Variants in CNBD1 observed in about 807,000 individuals in gnomAD.
CNBD1 encodes the protein cyclic nucleotide-binding domain-containing protein 1.
A neutral mutation model predicts 54.4 loss-of-function variants in CNBD1; 71 were observed. The observed-to-expected ratio is 1.30, with a 90% CI of 1.08 to 1.59. The LOEUF is 1.59. CNBD1 is among the 40% of genes most tolerant of loss of function. The probability of loss-of-function intolerance (pLI) is 0.00; values close to 1 mark genes in which losing one functional copy is unlikely to be tolerated. For synonymous variants in CNBD1, 182 were observed against 170.7 expected (o/e 1.07, Z -0.51); for missense variants, 659 against 518.0 (o/e 1.27, Z -2.64).
At chr8:87,389,149 G>C (rs1430157694) in intron 2 of CNBD1, among the ~76,000 whole-genome samples, 3 of 152,106 alleles carry the variant, frequency 2.0e-5, no homozygotes, top group Non-Finnish European at 4.4e-5. Flanking sequence ...ATATCATCCT[G>C]AATGGGCAAA....
rs74906039 is a variant in CNBD1, at chr8:87,123,010, A to T, written c.432-82983A>T. ...TCCAGCTTTGTTCTTTTGGGTCAAG[A>T]TTGCTTTGACTTCAGGACCTTTTGT... On this transcript the variant is annotated intron_variant, in intron 4 of 10. Transcript: ENST00000518476. 6.6e-5 allele frequency among the ~76,000 whole-genome samples: 10 copies of T among 151,884 alleles called. No homozygotes were observed. The East Asian group carries it at 9.7e-4, about 15-fold the overall frequency.
intron 4 of CNBD1, among the ~76,000 whole-genome samples, chr8:87,148,001 T>C (rs1289542359): frequency 2.0e-5 from 3 of 152,212 alleles, no homozygotes; most frequent in South Asian, 4.1e-4. Context: ...GCAATGTATT[T>C]TTCTTTTAGC....
intron 2 of CNBD1, among the ~76,000 whole-genome samples, chr8:87,402,431 C>G (rs556222361): frequency 6.6e-6 from 1 of 152,014 alleles, no homozygotes; most frequent in South Asian, 2.1e-4. Flanking sequence ...TAATGTACAT[C>G]AATTAATTTC....
intron 4 of CNBD1, among the ~76,000 whole-genome samples, chr8:87,085,432 T>C (rs1053667851): frequency 3.9e-5 from 6 of 152,186 alleles, no homozygotes; most frequent in African/African-American, 1.4e-4. Flanking sequence ...TTGAGTCTTT[T>C]TTTTATTTGT....
chr8:87,287,282 C>G (rs1808717184), intron 8 of CNBD1, among the ~76,000 whole-genome samples: 1 of 152,044 alleles, frequency 6.6e-6, no homozygotes, highest in Non-Finnish European at 1.5e-5. Flanking sequence ...CTATGAAAGC[C>G]AATTTAACAA....
intron 4 of CNBD1, among the ~76,000 whole-genome samples, chr8:87,164,322 T>C (rs925096482): frequency 3.3e-5 from 5 of 151,904 alleles, no homozygotes; most frequent in Admixed American, 6.6e-5. Flanking sequence ...AGTTTGGAAG[T>C]GTTGTCTCTT....
In CNBD1 at chr8:87,006,514, G is replaced by A. The variant is rs570079250; in HGVS notation, c.431+66760G>A. ...GTGCCAGCATCTGCTCAGCTTTTGG[G>A]GAGGCCTCATGAAGCTTTTATTTAT... is the stretch of plus-strand genomic sequence containing the variant. On this transcript the variant is annotated intron_variant, in intron 4 of 10. Transcript: ENST00000518476. Among the ~76,000 whole-genome samples, 4 of 152,164 alleles carry A rather than the reference G, an allele frequency of 2.6e-5. No homozygotes were observed. In the East Asian group the frequency reaches 7.8e-4, roughly 30 times the overall value.
At chr8:87,364,819 A>T (rs1382837203) in intron 10 of CNBD1, among the ~76,000 whole-genome samples, 2 of 152,134 alleles carry the variant, frequency 1.3e-5, no homozygotes, top group African/African-American at 4.8e-5. Flanking sequence ...AAAGGACATG[A>T]TATCATTCTT....
chr8:86,916,352 A>G (rs1451188639), intron 3 of CNBD1, among the ~76,000 whole-genome samples: 1 of 152,168 alleles, frequency 6.6e-6, no homozygotes, highest in East Asian at 1.9e-4. Context: ...TTGGGGTTTT[A>G]TACGCTGGCA....
intron 4 of CNBD1, among the ~76,000 whole-genome samples, chr8:87,160,642 A>G (rs1295402882): frequency 6.6e-6 from 1 of 152,140 alleles, no homozygotes; most frequent in Non-Finnish European, 1.5e-5. Context: ...CTAAGGAAAT[A>G]CCTTTAAAAG....
chr8:87,422,581 T>A (rs969628075), intron 2 of CNBD1, among the ~76,000 whole-genome samples: 2 of 152,164 alleles, frequency 1.3e-5, no homozygotes, highest in Non-Finnish European at 2.9e-5. Flanking sequence ...ATCAGATAGT[T>A]GCAGATATGC....
chr8:87,352,824 G>T (rs1051460624), intron 9 of CNBD1, among the ~76,000 whole-genome samples: 4 of 152,156 alleles, frequency 2.6e-5, no homozygotes, highest in Non-Finnish European at 5.9e-5. Flanking sequence ...CTTGAATTCT[G>T]CTGCACTAAT....
chr8:87,141,066 T>C (rs1439917610), intron 4 of CNBD1, among the ~76,000 whole-genome samples: 1 of 152,212 alleles, frequency 6.6e-6, no homozygotes, highest in East Asian at 1.9e-4. Flanking sequence ...TAATTATTTT[T>C]ATTTTTAAAC....
chr8:87,425,727 TCAGA>T (rs1298833201), intron 2 of CNBD1, among the ~76,000 whole-genome samples: 1 of 152,014 alleles, frequency 6.6e-6, no homozygotes, highest in Admixed American at 6.5e-5. Flanking sequence ...TTCAAAGCTG[TCAGA>T]CAGGGACATT....
intron 6 of CNBD1, among the ~76,000 whole-genome samples, chr8:87,266,963 A>G (rs1245393626): frequency 6.6e-6 from 1 of 151,936 alleles, no homozygotes; most frequent in Non-Finnish European, 1.5e-5. Flanking sequence ...ATGGTATCAT[A>G]ACAGAAAACA....
At position 87,184,107 on chromosome 8, in the gene CNBD1, C is replaced by T. The variant is rs367552681; in HGVS notation, c.432-21886C>T. 4.1e-4 allele frequency among the ~76,000 whole-genome samples: 62 copies of T among 152,300 alleles called. 1 individual carries two copies. The highest frequency in any genetic ancestry group is 1.4e-3 in the African/African-American group (60 of 41,574). ...TGACAGAAGGGGCTGCACGCATGTG[C>T]TCACGGGTTGGCTGTTGGGGGTAGT... On this transcript the variant is annotated intron_variant, in intron 4 of 10. Coordinates refer to ENST00000518476, the MANE Select transcript of CNBD1 (RefSeq NM_173538.3).
intron 6 of CNBD1, among the ~76,000 whole-genome samples, chr8:87,246,683 G>C (rs1586361074): frequency 6.6e-6 from 1 of 152,022 alleles, no homozygotes; most frequent in African/African-American, 2.4e-5. Flanking sequence ...TTCTTCCTCA[G>C]ATTTGCACCT....
At chr8:87,374,687 C>A (rs1217360507) in intron 10 of CNBD1, among the ~76,000 whole-genome samples, 1 of 151,732 alleles carries the variant, frequency 6.6e-6, no homozygotes, top group South Asian at 2.1e-4. Context: ...TATTGCCTGG[C>A]CATGAAATAT....
chr8:86,986,077 A>T (rs1248431314), intron 4 of CNBD1, among the ~76,000 whole-genome samples: 2 of 151,890 alleles, frequency 1.3e-5, no homozygotes, highest in African/African-American at 4.8e-5. Flanking sequence ...ATTACAGTGC[A>T]CACCATCACG....
Sources: gnomAD v4.1 joint callset for allele counts (sites outside exome capture counted in the v4.1 genomes callset) on GRCh38, gnomAD v4.1.1 for gene constraint, MANE v1.5 for transcripts, NCBI Gene and HGNC (gene_info 2026-07-23, HGNC 2026-07-21) for gene names.